Variants in SLC4A4 observed in about 807,000 individuals in gnomAD.
SLC4A4 encodes solute carrier family 4 member 4.
Under a neutral mutation model 111.5 loss-of-function variants are expected in SLC4A4, and 27 were observed. The ratio of observed to expected loss-of-function variants is 0.24; its 90% confidence interval spans 0.18 to 0.33. SLC4A4 has a LOEUF of 0.33. SLC4A4 is among the 10% of genes least tolerant of loss of function. SLC4A4 has a pLI of 1.00. For synonymous variants in SLC4A4, 443 were observed against 463.4 expected (o/e 0.96, Z 0.57); for missense variants, 909 against 1,315.5 (o/e 0.69, Z 4.78).
intron 12 of SLC4A4, among the ~76,000 whole-genome samples, chr4:71,462,839 C>A (rs1449963093): frequency 2.0e-5 from 3 of 152,130 alleles, no homozygotes; most frequent in African/African-American, 7.2e-5. Flanking sequence ...CTCCAGGAAG[C>A]ATAGGTAGGT....
chr4:71,433,194 T>C (rs72852201), intron 7 of SLC4A4, among the ~76,000 whole-genome samples: 2 of 151,674 alleles, frequency 1.3e-5, no homozygotes, highest in Non-Finnish European at 2.9e-5. Flanking sequence ...AGCTTACTAG[T>C]ATTTCACTGC....
Position 71,440,932 on chromosome 4 carries a change from C to G in SLC4A4, c.965+159C>G, listed in dbSNP as rs34195060. On this transcript the variant is annotated intron_variant, in intron 8 of 25. Transcript: ENST00000264485. ...GTTTGACTTTTATACTGTCAAATTTCTTGGCACTTATATAGTAATAATAAT... is the reference window on the plus strand; with the variant it reads ...GTTTGACTTTTATACTGTCAAATTTGTTGGCACTTATATAGTAATAATAAT... 0.2 allele frequency among the ~76,000 whole-genome samples: 29,999 copies of G among 152,108 alleles called. 3,287 individuals are homozygous for G. The highest frequency in any genetic ancestry group is 0.42 in the South Asian group (2,023 of 4,802).
At chr4:71,196,285 C>T (rs1188816061) in intron 1 of SLC4A4, among the ~76,000 whole-genome samples, 1 of 152,140 alleles carries the variant, frequency 6.6e-6, no homozygotes, top group Non-Finnish European at 1.5e-5. Flanking sequence ...AGAGCATTAA[C>T]GATTAAGCAG....
At chr4:71,074,645 AAAGG>A (rs1298342291) in intron 1 of SLC4A4, among the ~76,000 whole-genome samples, 25 of 151,566 alleles carry the variant, frequency 1.6e-4, no homozygotes, top group Non-Finnish European at 7.4e-5. Context: ...AGGAGAAGAG[AAAGG>A]AAGGAAGAAG....
chr4:71,551,068 T>C (rs1277422501), intron 20 of SLC4A4, among the ~76,000 whole-genome samples: 1 of 151,862 alleles, frequency 6.6e-6, no homozygotes. Flanking sequence ...GCAGAAATAC[T>C]GCCTGGTAAG....
chr4:71,374,174 G>T (rs1234493410), intron 6 of SLC4A4, among the ~76,000 whole-genome samples: 1 of 152,108 alleles, frequency 6.6e-6, no homozygotes, highest in Non-Finnish European at 1.5e-5. Context: ...TTATTGCCCA[G>T]TGAATTTTGA....
intron 3 of SLC4A4, among the ~76,000 whole-genome samples, chr4:71,307,829 A>G (rs1443741219): frequency 1.3e-5 from 2 of 152,308 alleles, no homozygotes; most frequent in Admixed American, 6.5e-5. Flanking sequence ...AATAAAAACC[A>G]AAGTGTCAAG....
chr4:71,335,400 T>C (rs1307282834), intron 3 of SLC4A4, among the ~76,000 whole-genome samples: 1 of 152,194 alleles, frequency 6.6e-6, no homozygotes, highest in Non-Finnish European at 1.5e-5. Context: ...AAATTCTGCC[T>C]GTCATTTCTT....
chr4:71,430,108 C>T (rs1054752109), intron 7 of SLC4A4, among the ~76,000 whole-genome samples: 10 of 152,062 alleles, frequency 6.6e-5, no homozygotes, highest in African/African-American at 2.4e-4. Context: ...TAAACTTTGA[C>T]TTAGAGAAGA....
At chr4:71,353,019 G>C (rs1729978552) in intron 5 of SLC4A4, among the ~76,000 whole-genome samples, 1 of 152,182 alleles carries the variant, frequency 6.6e-6, no homozygotes, top group Admixed American at 6.5e-5. Flanking sequence ...CTGGTCTTCA[G>C]CAACTAACTG....
intron 6 of SLC4A4, among the ~76,000 whole-genome samples, chr4:71,370,972 T>C (rs1731818125): frequency 6.6e-6 from 1 of 152,186 alleles, no homozygotes; most frequent in Non-Finnish European, 1.5e-5. Flanking sequence ...TGTGATGTAA[T>C]CTCTCCCTAA....
At chr4:71,438,393 G>A (rs1340773490) in intron 7 of SLC4A4, among the ~76,000 whole-genome samples, 1 of 152,176 alleles carries the variant, frequency 6.6e-6, no homozygotes, top group East Asian at 1.9e-4. Context: ...ATTACAATGT[G>A]ATAATAAGAC....
chr4:71,460,880 T>A (rs1358082077), intron 12 of SLC4A4, among the ~76,000 whole-genome samples: 1 of 152,152 alleles, frequency 6.6e-6, no homozygotes, highest in Non-Finnish European at 1.5e-5. Flanking sequence ...GTATTTTTTT[T>A]ATTAAAAAAT....
At chr4:71,237,092 G>A (rs1259887628) in intron 2 of SLC4A4, among the ~76,000 whole-genome samples, 1 of 152,170 alleles carries the variant, frequency 6.6e-6, no homozygotes, top group African/African-American at 2.4e-5. Context: ...CAGGAGAAAT[G>A]GGTTTAAGCT....
At chr4:71,193,873 C>T (rs963487431) in intron 1 of SLC4A4, among the ~76,000 whole-genome samples, 1 of 152,188 alleles carries the variant, frequency 6.6e-6, no homozygotes, top group Non-Finnish European at 1.5e-5. Context: ...TTCACCAATG[C>T]TTCCACCTGA....
intron 2 of SLC4A4, among the ~76,000 whole-genome samples, chr4:71,121,026 C>T (rs1490118034): frequency 2.6e-5 from 4 of 152,210 alleles, no homozygotes; most frequent in Non-Finnish European, 5.9e-5. Context: ...CTTGGAGTGG[C>T]AGGCTGGCGC....
At position 71,566,995 on chromosome 4, in the gene SLC4A4, A is replaced by T. The variant is rs1037356639; in HGVS notation, c.3197-9A>T. The stretch of plus-strand genomic sequence containing the variant: ...ACCATTTATGTTTTTAAAAAATTTT[A>T]TTTTCCAGGAGAAAGATCACCAACA... On this transcript the variant is annotated splice_polypyrimidine_tract_variant and intron_variant, in intron 24 of 25. Transcript: ENST00000264485. The T allele has an allele frequency of 6.2e-7, 1 of 1,607,552 alleles. No homozygotes were observed. The highest frequency in any genetic ancestry group is 1.3e-5 in the African/African-American group (1 of 74,534).
At chr4:71,296,962 AAAGAT>A (rs1287099078) in intron 3 of SLC4A4, among the ~76,000 whole-genome samples, 1 of 152,348 alleles carries the variant, frequency 6.6e-6, no homozygotes, top group South Asian at 2.1e-4. Flanking sequence ...ATCTTCTATT[AAAGAT>A]AAGATAAGTT....
chr4:71,185,375 A>C (rs988670126), upstream of SLC4A4, among the ~76,000 whole-genome samples: 8 of 152,226 alleles, frequency 5.3e-5, no homozygotes, highest in African/African-American at 1.9e-4. Context: ...TCAGGGAGTG[A>C]AAGTTAATTT....
Sources: allele counts gnomAD v4.1 joint callset (sites outside exome capture counted in the v4.1 genomes callset), GRCh38; gene constraint gnomAD v4.1.1; transcripts MANE v1.5; gene names NCBI Gene and HGNC (gene_info 2026-07-23, HGNC 2026-07-21).